The following PRELID2 variants were observed in gnomAD, a reference collection of about 807,000 sequenced individuals.
PRELID2 encodes PRELI domain containing 2.
Under a neutral mutation model 28.4 loss-of-function variants are expected in PRELID2, and 25 were observed. That is an observed-to-expected ratio of 0.88 (90% CI 0.64 to 1.23). PRELID2 has a LOEUF of 1.23. Among genes scored for constraint, PRELID2 ranks in the 50% most tolerant of loss-of-function variants. PRELID2 has a pLI of 0.00. For synonymous variants in PRELID2, 76 were observed against 71.6 expected (o/e 1.06, Z -0.31); for missense variants, 201 against 214.4 (o/e 0.94, Z 0.39).
chr5:145,282,811 G>C, the PRELID2 span, among the ~76,000 whole-genome samples: 1 of 152,126 alleles, frequency 6.6e-6, no homozygotes, highest in East Asian at 1.9e-4. Context: ...GAGCCACCAC[G>C]CCCTAGCAGA....
At chr5:145,705,829 T>C (rs1160076114) in intron 1 of PRELID2, among the ~76,000 whole-genome samples, 2 of 152,070 alleles carry the variant, frequency 1.3e-5, no homozygotes, top group African/African-American at 4.8e-5. Flanking sequence ...ATTTTACATG[T>C]CACCAAATAA....
intron 1 of PRELID2, among the ~76,000 whole-genome samples, chr5:145,713,907 T>G (rs1038170111): frequency 1.3e-5 from 2 of 151,584 alleles, no homozygotes; most frequent in African/African-American, 4.8e-5. Flanking sequence ...GTGAAATTGT[T>G]CTTCAAATAT....
At chr5:145,380,061 C>G in the PRELID2 span, among the ~76,000 whole-genome samples, 1 of 152,182 alleles carries the variant, frequency 6.6e-6, no homozygotes, top group South Asian at 2.1e-4. Flanking sequence ...TGGCCATGCT[C>G]CTGCACCAAA....
At chr5:145,232,937 A>G in the PRELID2 span, among the ~76,000 whole-genome samples, 1 of 151,680 alleles carries the variant, frequency 6.6e-6, no homozygotes, top group Non-Finnish European at 1.5e-5. Context: ...ACAAGTTTCC[A>G]TTGGTCCAAA....
intron 1 of PRELID2, among the ~76,000 whole-genome samples, chr5:145,515,419 T>C (rs1483992745): frequency 6.6e-6 from 1 of 152,096 alleles, no homozygotes; most frequent in Non-Finnish European, 1.5e-5. Context: ...CCTGGATGCA[T>C]ACACCCTCCC....
At chr5:145,597,274 A>G (rs1753322040) in intron 1 of PRELID2, among the ~76,000 whole-genome samples, 1 of 152,108 alleles carries the variant, frequency 6.6e-6, no homozygotes, top group South Asian at 2.1e-4. Context: ...GTGCCCGAAT[A>G]TTTTATTTTC....
intron 1 of PRELID2, among the ~76,000 whole-genome samples, chr5:145,746,251 G>A (rs1268067581): frequency 2.6e-5 from 4 of 152,086 alleles, no homozygotes; most frequent in East Asian, 1.9e-4. Context: ...ACCCGTCGGC[G>A]TGCTGTATTC....
chr5:145,713,641 TATACTATATATAAA>T, intron 1 of PRELID2, among the ~76,000 whole-genome samples: 1 of 141,016 alleles, frequency 7.1e-6, no homozygotes, highest in Non-Finnish European at 1.5e-5. Flanking sequence ...TATATTTATA[TATACTATATATAAA>T]GTATATATAG....
the PRELID2 span, among the ~76,000 whole-genome samples, chr5:145,463,261 T>C: frequency 6.6e-6 from 1 of 151,946 alleles, no homozygotes; most frequent in South Asian, 2.1e-4. Context: ...ATTATAAATC[T>C]TTGCAAAACA....
intron 1 of PRELID2, among the ~76,000 whole-genome samples, chr5:145,539,721 C>T (rs921542574): frequency 2.0e-5 from 3 of 151,348 alleles, no homozygotes; most frequent in Non-Finnish European, 4.4e-5. Flanking sequence ...AAATAAATAT[C>T]TCATAATTGT....
the PRELID2 span, among the ~76,000 whole-genome samples, chr5:145,308,806 C>T: frequency 6.6e-6 from 1 of 152,168 alleles, no homozygotes; most frequent in Non-Finnish European, 1.5e-5. Context: ...TCCTGAAAGG[C>T]ACTTGTTATT....
intron 1 of PRELID2, among the ~76,000 whole-genome samples, chr5:145,696,981 A>G (rs1484267486): frequency 6.8e-6 from 1 of 147,490 alleles, no homozygotes; most frequent in Non-Finnish European, 1.5e-5. Context: ...CAAATGATAG[A>G]GGCAGGGGGT....
intron 4 of PRELID2, among the ~76,000 whole-genome samples, chr5:145,807,743 A>G (rs1753613912): frequency 6.6e-6 from 1 of 151,994 alleles, no homozygotes. Flanking sequence ...TTCACCCCAC[A>G]AGTACTGTCT....
chr5:145,541,236 T>C (rs566718467), intron 1 of PRELID2, among the ~76,000 whole-genome samples: 23 of 152,232 alleles, frequency 1.5e-4, no homozygotes, highest in Non-Finnish European at 2.4e-4. Flanking sequence ...GGTGATGTAA[T>C]AGTGTATGTT....
chr5:145,386,662 AT>A, the PRELID2 span, among the ~76,000 whole-genome samples: 3 of 152,092 alleles, frequency 2.0e-5, no homozygotes, highest in Admixed American at 1.3e-4. Context: ...GGCCCTTATT[AT>A]TTTCTGTCTT....
chr5:145,389,709 G>C, the PRELID2 span, among the ~76,000 whole-genome samples: 1 of 152,094 alleles, frequency 6.6e-6, no homozygotes, highest in Non-Finnish European at 1.5e-5. Context: ...AGGAAAAAAA[G>C]AGAATACAGT....
chr5:145,486,882 A>T (rs1195768230), intron 1 of PRELID2, among the ~76,000 whole-genome samples: 2 of 150,182 alleles, frequency 1.3e-5, no homozygotes, highest in African/African-American at 4.9e-5. Context: ...AAAATGTGGC[A>T]CATATACACC....
At chr5:145,267,168 CA>C in the PRELID2 span, among the ~76,000 whole-genome samples, 1 of 152,088 alleles carries the variant, frequency 6.6e-6, no homozygotes, top group Admixed American at 6.5e-5. Context: ...AAGCATTCAG[CA>C]CAGGAGAAAG....
the PRELID2 span, among the ~76,000 whole-genome samples, chr5:145,390,486 A>C: frequency 6.6e-6 from 1 of 152,320 alleles, no homozygotes; most frequent in Non-Finnish European, 1.5e-5. Flanking sequence ...TAAAACCATC[A>C]GATATCATGA....
Sources: gnomAD v4.1 joint callset for allele counts (sites outside exome capture counted in the v4.1 genomes callset) on GRCh38, gnomAD v4.1.1 for gene constraint, MANE v1.5 for transcripts, NCBI Gene and HGNC (gene_info 2026-07-23, HGNC 2026-07-21) for gene names.